Variants in ZNF891 observed in about 807,000 individuals in gnomAD.
ZNF891 encodes zinc finger protein 891, also known as hCG1646157.
For synonymous variants in ZNF891, 199 were observed against 209.0 expected, an observed-to-expected ratio of 0.95 and a Z score of 0.41; for missense variants, 589 against 632.7, an observed-to-expected ratio of 0.93 and a Z score of 0.74.
chr12:133,121,949 T>C lies in ZNF891; in HGVS notation c.-31A>G, dbSNP rs1436338056. ...GAGTACATAAGCCTGCACAGTAGAGTAGAGAGATCAGGATGTTTCTGTTCT... is the reference window on the plus strand; with the variant it reads ...GAGTACATAAGCCTGCACAGTAGAGCAGAGAGATCAGGATGTTTCTGTTCT... On this transcript the variant is annotated 5_prime_UTR_variant, in exon 2 of 2. Coordinates refer to ENST00000537226, the MANE Select transcript of ZNF891 (RefSeq NM_001277291.2). The C allele has an allele frequency of 4.7e-6, 7 of 1,491,434 alleles. No individual in the cohort carries two copies. The highest frequency in any genetic ancestry group is 4.4e-5 in the Admixed American group (2 of 45,506). 92.4% of individuals were successfully genotyped at this position (1,491,434 alleles called of 1,614,324 possible). A position where few individuals can be genotyped will look rare whatever the true frequency, so the allele number is the denominator to read the frequency against.
chr12:133,107,550 G>T lies in ZNF891; in HGVS notation c.*12734C>A, dbSNP rs1955641631. On this transcript the variant is annotated 3_prime_UTR_variant, in exon 2 of 2. Transcript: ENST00000537226. ...ATACAAACATAACAAAGTGTTTTTAGGTGTTTTATGATTTTAACTTTCAGA... is the reference window on the plus strand; with the variant it reads ...ATACAAACATAACAAAGTGTTTTTATGTGTTTTATGATTTTAACTTTCAGA... 6.6e-6 allele frequency: 1 copy of T among 152,118 alleles called. No individual in the cohort carries two copies. Among genetic ancestry groups the T allele is most frequent in the Admixed American group, 6.6e-5 (1 of 15,262 alleles). 9.4% of individuals were successfully genotyped at this position (152,118 alleles called of 1,614,324 possible).
intron 1 of ZNF891, among the ~76,000 whole-genome samples, chr12:133,123,336 T>C (rs1036617427): frequency 9.2e-5 from 14 of 152,194 alleles, no homozygotes; most frequent in African/African-American, 3.4e-4. Context: ...CTCAACAATT[T>C]GAGTAAACCA....
In ZNF891 at chr12:133,121,103, A is replaced by C. The variant is rs1955754065; in HGVS notation, c.816T>G (p.His272Gln). Residue 272 changes from histidine to glutamine, a missense_variant, in exon 2 of 2, where the codon CAT becomes CAG. Physicochemically the swap from His to Gln is conservative, Grantham distance 24. Transcript: ENST00000537226. ...ACATATTATGTGTGAAGTGCATTCC[A>C]TGTTTAGAATATGTGTACTCTTTTT... ...TVQKEYTYSK[H>Q]GMHFTHNMFP... 1 of 1,535,434 alleles carries C rather than the reference A, an allele frequency of 6.5e-7. No individual in the cohort carries two copies. The highest frequency in any genetic ancestry group is 8.7e-7 in the Non-Finnish European group (1 of 1,146,828).
Position 133,106,659 on chromosome 12 carries a change from C to T in ZNF891, c.*13625G>A. 1.3e-6 allele frequency: 2 copies of T among 1,553,334 alleles called. No homozygotes were observed. Among genetic ancestry groups the T allele is most frequent in the Non-Finnish European group, 1.7e-6 (2 of 1,157,470 alleles). ...CTTACTGAACACCAGTGAATTTACA[C>T]TGCAAAGAAAAACTATGAATGTATG... On this transcript the variant is annotated 3_prime_UTR_variant, in exon 2 of 2. Transcript: ENST00000537226.
chr12:133,121,684 G>C lies in ZNF891; in HGVS notation c.235C>G (p.Leu79Val). Residue 79 changes from leucine to valine, a missense_variant, in exon 2 of 2, where the codon CTC becomes GTC. Physicochemically the swap from Leu to Val is conservative, Grantham distance 32. Coordinates refer to ENST00000537226, the MANE Select transcript of ZNF891 (RefSeq NM_001277291.2). ...TACAACTGATATTCCACGGAGGTGA[G>C]ATTTCTATAGTTTTCCAACATCACA... is the stretch of plus-strand genomic sequence containing the variant. Reference protein sequence around the residue: ...RDVMLENYRNLTSVEYQLYRL... With the variant: ...RDVMLENYRNVTSVEYQLYRL... The C allele has an allele frequency of 6.5e-7, 1 of 1,536,440 alleles. No individual in the cohort carries two copies. Among genetic ancestry groups the C allele is most frequent in the Non-Finnish European group, 8.7e-7 (1 of 1,146,902 alleles).
intron 1 of ZNF891, 29 bp downstream of exon 1, chr12:133,130,198 G>T (rs1478856884): frequency 6.6e-6 from 1 of 152,330 alleles, no homozygotes; most frequent in Non-Finnish European, 1.5e-5. Context: ...CTTGTCCCGG[G>T]TGAACGAGCC....
Position 133,106,393 on chromosome 12 carries a change from T to C in ZNF891, c.*13891A>G. ...AAGTTTTCACTTGGCATGCATCCCT[T>C]ATTCAACATACGAAGAGTCACACTG... On this transcript the variant is annotated 3_prime_UTR_variant, in exon 2 of 2. Transcript: ENST00000537226. 2.5e-6 allele frequency: 4 copies of C among 1,614,150 alleles called. No individual in the cohort carries two copies. The African/African-American group carries it at 4.0e-5, about 16-fold the overall frequency.
Position 133,104,906 on chromosome 12 carries a change from GCATAATGCC to G in ZNF891, c.*15369_*15377del, listed in dbSNP as rs1480989119. 6.6e-6 allele frequency among the ~76,000 whole-genome samples: 1 copy of G among 152,138 alleles called. No homozygotes were observed. Among genetic ancestry groups the G allele is most frequent in the Non-Finnish European group, 1.5e-5 (1 of 68,048 alleles). On this transcript the variant is annotated 3_prime_UTR_variant, in exon 2 of 2. Transcript: ENST00000537226. The stretch of plus-strand genomic sequence containing the variant: ...GATAATTTTGTCACCCAGGTAATCA[GCATAATGCC>G]CAATAGTCAGGTTTTTAATCCTTAC...
chr12:133,127,648 A>C (rs1444370922), intron 1 of ZNF891, among the ~76,000 whole-genome samples: 16 of 152,226 alleles, frequency 1.1e-4, no homozygotes, highest in Non-Finnish European at 2.4e-4. Flanking sequence ...CAATCCACCA[A>C]ACAGGAATAG....
rs1566325616 is a variant in ZNF891 at position 133,106,059 on chromosome 12, C to G, written c.*14225G>C. On this transcript the variant is annotated 3_prime_UTR_variant, in exon 2 of 2. Transcript: ENST00000537226. The stretch of plus-strand genomic sequence containing the variant: ...GCCTTTAGCCGTGCCTCCAACCTCA[C>G]TCGACATCAAAGAATTCACATAGGA... The G allele has an allele frequency of 6.2e-7, 1 of 1,614,088 alleles. No homozygotes were observed. The highest frequency in any genetic ancestry group is 1.3e-5 in the African/African-American group (1 of 75,018).
In ZNF891 at chr12:133,109,666, T is replaced by C. The variant is rs1955666751; in HGVS notation, c.*10618A>G. On this transcript the variant is annotated 3_prime_UTR_variant, in exon 2 of 2. Transcript: ENST00000537226. ...AAATAAAGATGTTTCAGAATAAAAA[T>C]AGAGGAAATTTACGGTAGCATTCTT... 6.6e-6 allele frequency: 1 copy of C among 152,048 alleles called. No individual in the cohort carries two copies. The highest frequency in any genetic ancestry group is 1.5e-5 in the Non-Finnish European group (1 of 68,000). 9.4% of individuals were successfully genotyped at this position (152,048 alleles called of 1,614,324 possible).
At position 133,105,780 on chromosome 12, in the gene ZNF891, A is replaced by G. The variant is rs1955569519; in HGVS notation, c.*14504T>C. 3.7e-6 allele frequency: 6 copies of G among 1,614,040 alleles called. No individual in the cohort carries two copies. Among genetic ancestry groups the G allele is most frequent in the Admixed American group, 1.7e-5 (1 of 60,010 alleles). On this transcript the variant is annotated 3_prime_UTR_variant, in exon 2 of 2. Transcript: ENST00000537226. ...CCCTATGGATGCCATGAATGTGGAA[A>G]AACTTTTGGTCGACGCTTTTCCCTG...
chr12:133,121,343 A>G lies in ZNF891; in HGVS notation c.576T>C (p.His192=). 15 of 1,536,040 alleles carry G rather than the reference A, an allele frequency of 9.8e-6. No homozygotes were observed. Among genetic ancestry groups the G allele is most frequent in the Non-Finnish European group, 1.3e-5 (15 of 1,146,858 alleles). ...CAAGTTTAGAGTTTTCCTCTAATTCATGATAGTCACGGAATAGCTCCTGAG... is the reference window on the plus strand; with the variant it reads ...CAAGTTTAGAGTTTTCCTCTAATTCGTGATAGTCACGGAATAGCTCCTGAG... The part of the protein sequence containing the change: ...TVPQELFRDY[H]ELEENSKLGS... The change falls in exon 2 of 2, where the codon CAT becomes CAC. Residue 192 remains histidine (H), a synonymous_variant. Transcript: ENST00000537226.
chr12:133,127,903 A>T (rs1955832408), intron 1 of ZNF891, among the ~76,000 whole-genome samples: 2 of 152,246 alleles, frequency 1.3e-5, no homozygotes, highest in African/African-American at 2.4e-5. Context: ...CAAATGAATA[A>T]AAAAGGCAGT....
rs2137609222 is a variant in ZNF891 at position 133,111,661 on chromosome 12, G to T, written c.*8623C>A. 1 of 152,250 alleles carries T rather than the reference G, an allele frequency of 6.6e-6. No individual in the cohort carries two copies. The highest frequency in any genetic ancestry group is 2.4e-5 in the African/African-American group (1 of 41,538). 9.4% of individuals were successfully genotyped at this position (152,250 alleles called of 1,614,324 possible). On this transcript the variant is annotated 3_prime_UTR_variant, in exon 2 of 2. Coordinates refer to ENST00000537226, the MANE Select transcript of ZNF891 (RefSeq NM_001277291.2). ...AACTCCCATGAAACTGTGCTCATAG[G>T]TAGAAAATATAATTTTATGTATTTG...
rs1275961713 is a variant in ZNF891 at position 133,130,267 on chromosome 12, C to T, written c.-147G>A. 1 of 152,516 alleles carries T rather than the reference C, an allele frequency of 6.6e-6. No homozygotes were observed. The highest frequency in any genetic ancestry group is 1.5e-5 in the Non-Finnish European group (1 of 68,282). 9.4% of individuals were successfully genotyped at this position (152,516 alleles called of 1,614,324 possible). A position where few individuals can be genotyped will look rare whatever the true frequency, so the allele number is the denominator to read the frequency against. ...GCCTCCAGGCGTCCGCGGTCCCGCC[C>T]GAGGGGGACGCGAGGCCGAACTACG... On this transcript the variant is annotated 5_prime_UTR_variant, in exon 1 of 2. Coordinates refer to ENST00000537226, the MANE Select transcript of ZNF891 (RefSeq NM_001277291.2).
rs1346892067 is a variant in ZNF891, at chr12:133,119,542, C to A, written c.*742G>T. On this transcript the variant is annotated 3_prime_UTR_variant, in exon 2 of 2. Coordinates refer to ENST00000537226, the MANE Select transcript of ZNF891 (RefSeq NM_001277291.2). ...TGGGCAACATACCGAGACTCCATCT[C>A]AAAAAACAAACAAAAAACCTTATTT... 3 of 146,682 alleles carry A rather than the reference C, an allele frequency of 2.0e-5. No homozygotes were observed. In the South Asian group the frequency reaches 6.6e-4, roughly 32 times the overall value. 9.1% of individuals were successfully genotyped at this position (146,682 alleles called of 1,614,324 possible). A position where few individuals can be genotyped will look rare whatever the true frequency, so the allele number is the denominator to read the frequency against.
chr12:133,105,236 A>C lies in ZNF891; in HGVS notation c.*15048T>G, dbSNP rs1955547420. On this transcript the variant is annotated 3_prime_UTR_variant, in exon 2 of 2. Coordinates refer to ENST00000537226, the MANE Select transcript of ZNF891 (RefSeq NM_001277291.2). ...TTAAATGGTGGTGAAGAAGACTAGC[A>C]ACCTATCCTTCACAAATATTTCCTG... Among the ~76,000 whole-genome samples, 3 of 152,236 alleles carry C rather than the reference A, an allele frequency of 2.0e-5. No homozygotes were observed.
In ZNF891 at chr12:133,105,142, G is replaced by A. The variant is rs940178678; in HGVS notation, c.*15142C>T. Among the ~76,000 whole-genome samples, 6 of 152,124 alleles carry A rather than the reference G, an allele frequency of 3.9e-5. No individual in the cohort carries two copies. The highest frequency in any genetic ancestry group is 5.9e-5 in the Non-Finnish European group (4 of 68,016). ...ATCTAATGTCTTTGTGCAATCTGACGAACACTTAGTGTTTAGTAGCAGCAT... is the reference window on the plus strand; with the variant it reads ...ATCTAATGTCTTTGTGCAATCTGACAAACACTTAGTGTTTAGTAGCAGCAT... On this transcript the variant is annotated 3_prime_UTR_variant, in exon 2 of 2. Coordinates refer to ENST00000537226, the MANE Select transcript of ZNF891 (RefSeq NM_001277291.2).
Sources: allele counts gnomAD v4.1 joint callset (sites outside exome capture counted in the v4.1 genomes callset), GRCh38; gene constraint gnomAD v4.1.1; transcripts MANE v1.5; gene names NCBI Gene and HGNC (gene_info 2026-07-23, HGNC 2026-07-21).